The following CDKL4 variants were observed in gnomAD, a reference collection of about 807,000 sequenced individuals.
CDKL4 encodes the protein cyclin dependent kinase like 4.
Under a neutral mutation model 42.0 loss-of-function variants are expected in CDKL4, and 44 were observed. That is an observed-to-expected ratio of 1.05 (90% CI 0.82 to 1.35). The LOEUF is 1.35. Among genes scored for constraint, CDKL4 ranks in the 40% most tolerant of loss-of-function variants. The probability of loss-of-function intolerance (pLI) is 0.00; values close to 1 mark genes in which losing one functional copy is unlikely to be tolerated. For missense variants in CDKL4, 393 were observed against 369.9 expected, an observed-to-expected ratio of 1.06 and a Z score of -0.51; for synonymous variants, 120 against 121.6, an observed-to-expected ratio of 0.99 and a Z score of 0.09.
At chr2:39,198,053 T>A (rs10175855) in intron 5 of CDKL4, among the ~76,000 whole-genome samples, 1 of 151,810 alleles carries the variant, frequency 6.6e-6, no homozygotes, top group Non-Finnish European at 1.5e-5. Flanking sequence ...GCAGAGTAGA[T>A]AAAAATTCAC....
At chr2:39,207,166 G>A (rs1261065758) in intron 4 of CDKL4, among the ~76,000 whole-genome samples, 1 of 152,072 alleles carries the variant, frequency 6.6e-6, no homozygotes, top group African/African-American at 2.4e-5. Context: ...TGGGCGGATC[G>A]CTTGTGCCCA....
At chr2:39,222,990 T>C (rs1214932164) in intron 3 of CDKL4, among the ~76,000 whole-genome samples, 1 of 152,188 alleles carries the variant, frequency 6.6e-6, no homozygotes, top group Admixed American at 6.5e-5. Flanking sequence ...AAGTAATATA[T>C]GTGCATTCAC....
chr2:39,189,057 A>G (rs1676013275), intron 6 of CDKL4, among the ~76,000 whole-genome samples: 1 of 152,240 alleles, frequency 6.6e-6, no homozygotes, highest in African/African-American at 2.4e-5. Context: ...TTTTTAGGGA[A>G]TGAATCAGAC....
At chr2:39,228,358 T>G (rs78336303) in intron 2 of CDKL4, among the ~76,000 whole-genome samples, 3,765 of 152,240 alleles carry the variant, frequency 0.025, 55 homozygotes, top group African/African-American at 0.028. Flanking sequence ...AAGTTATATT[T>G]CAAACAAAAC....
At chr2:39,199,200 C>T (rs971789658) in intron 5 of CDKL4, among the ~76,000 whole-genome samples, 2 of 151,808 alleles carry the variant, frequency 1.3e-5, no homozygotes, top group Non-Finnish European at 2.9e-5. Context: ...ACTCAAGGCT[C>T]CTATGAATAC....
chr2:39,201,143 G>T (rs554593566), intron 5 of CDKL4, among the ~76,000 whole-genome samples: 1 of 151,886 alleles, frequency 6.6e-6, no homozygotes, highest in Admixed American at 6.6e-5. Flanking sequence ...CCATCAAAAA[G>T]TGGGCTAAGG....
At chr2:39,215,919 T>C (rs1174881595) in intron 3 of CDKL4, among the ~76,000 whole-genome samples, 1 of 152,208 alleles carries the variant, frequency 6.6e-6, no homozygotes, top group Non-Finnish European at 1.5e-5. Flanking sequence ...GAAGTGTCTA[T>C]TTCCAGCACT....
intron 5 of CDKL4, among the ~76,000 whole-genome samples, chr2:39,195,755 G>A (rs923524358): frequency 2.0e-5 from 3 of 149,732 alleles, no homozygotes; most frequent in African/African-American, 7.4e-5. Context: ...TGACTCTCAT[G>A]CCTCAGACTC....
intron 9 of CDKL4, chr2:39,178,579 A>C (rs1225559433): frequency 1.5e-5 from 23 of 1,552,258 alleles, no homozygotes; most frequent in Non-Finnish European, 2.0e-5. Flanking sequence ...TCTGAAAGCA[A>C]GTGAAGGACA....
chr2:39,218,455 G>A (rs1678083538), intron 3 of CDKL4, among the ~76,000 whole-genome samples: 1 of 152,154 alleles, frequency 6.6e-6, no homozygotes, highest in South Asian at 2.1e-4. Context: ...GCCATGTTCA[G>A]GCCACTGCAG....
intron 3 of CDKL4, 73 bp from the exon 4 acceptor site, chr2:39,213,545 G>T: frequency 1.0e-6 from 1 of 984,258 alleles, no homozygotes; most frequent in Non-Finnish European, 1.6e-6. Context: ...GGGAATAGAA[G>T]TGGAGTGGTG....
chr2:39,204,418 TAAC>T (rs1014968126), intron 5 of CDKL4, 106 bp downstream of exon 5: 6 of 712,730 alleles, frequency 8.4e-6, no homozygotes, highest in African/African-American at 7.3e-5. Context: ...CCTTTTTGAA[TAAC>T]AACAATACAA....
At chr2:39,232,291 G>A (rs1490144056) in intron 1 of CDKL4, among the ~76,000 whole-genome samples, 2 of 152,136 alleles carry the variant, frequency 1.3e-5, no homozygotes, top group Non-Finnish European at 2.9e-5. Context: ...ATGAGTCTGA[G>A]TATGCAAGCA....
intron 3 of CDKL4, among the ~76,000 whole-genome samples, chr2:39,219,673 G>A (rs902957661): frequency 5.3e-5 from 8 of 151,970 alleles, no homozygotes; most frequent in South Asian, 2.1e-4. Flanking sequence ...TGCCTGCCTC[G>A]GCCTCCCAGA....
At chr2:39,246,937 G>C (rs1679938291), upstream of CDKL4, among the ~76,000 whole-genome samples, 1 of 152,114 alleles carries the variant, frequency 6.6e-6, no homozygotes, top group Admixed American at 6.5e-5. Context: ...TAGAGAAGGA[G>C]ACTTGCTATG....
chr2:39,217,040 C>G (rs557794893), intron 3 of CDKL4, among the ~76,000 whole-genome samples: 1 of 152,146 alleles, frequency 6.6e-6, no homozygotes, highest in South Asian at 2.1e-4. Flanking sequence ...CACCACAGAT[C>G]GTGCAAAGAG....
chr2:39,169,609 T>G, the CDKL4 span, among the ~76,000 whole-genome samples: 1 of 152,164 alleles, frequency 6.6e-6, no homozygotes, highest in Non-Finnish European at 1.5e-5. Context: ...AAAGGGAGAC[T>G]TAGAAATGAT....
At chr2:39,191,241 A>C (rs1262366879) in intron 5 of CDKL4, among the ~76,000 whole-genome samples, 1 of 152,170 alleles carries the variant, frequency 6.6e-6, no homozygotes, top group East Asian at 1.9e-4. Context: ...TCTACTAAAA[A>C]TACGAAAATT....
At chr2:39,176,058 G>T in exon 10 of CDKL4, 1 of 470,830 alleles carries the variant, frequency 2.1e-6, no homozygotes, top group Non-Finnish European at 4.4e-6. Flanking sequence ...CAGGTGTGGG[G>T]GAGATGTGGC....
Sources: allele counts gnomAD v4.1 joint callset (sites outside exome capture counted in the v4.1 genomes callset), GRCh38; gene constraint gnomAD v4.1.1; transcripts MANE v1.5; gene names NCBI Gene and HGNC (gene_info 2026-07-23, HGNC 2026-07-21).